The following SRRM4 variants were observed in gnomAD, a reference collection of about 807,000 sequenced individuals.
SRRM4 encodes the protein serine/arginine repetitive matrix protein 4.
Under a neutral mutation model 68.9 loss-of-function variants are expected in SRRM4, and 33 were observed. The observed-to-expected ratio is 0.48, with a 90% CI of 0.36 to 0.64. The LOEUF (loss-of-function observed/expected upper bound fraction) is 0.64. Ranked by LOEUF, SRRM4 falls within the 30% of genes least tolerant of loss-of-function variation. The pLI is 0.00. For missense variants in SRRM4, 817 were observed against 827.1 expected, an observed-to-expected ratio of 0.99 and a Z score of 0.15; for synonymous variants, 318 against 318.8, an observed-to-expected ratio of 1.00 and a Z score of 0.03.
At chr12:119,120,301 C>G (rs1485351728) in intron 5 of SRRM4, 25 bp downstream of exon 5, 5 of 1,550,304 alleles carry the variant, frequency 3.2e-6, no homozygotes, top group Non-Finnish European at 4.4e-6. Context: ...CTCTGACTGC[C>G]TGTTCAATTT....
At chr12:119,143,918 C>G (rs879785054) in intron 8 of SRRM4, among the ~76,000 whole-genome samples, 12 of 152,134 alleles carry the variant, frequency 7.9e-5, no homozygotes, top group Admixed American at 2.6e-4. Flanking sequence ...AGGCCCAGGG[C>G]AGGGGTCCCT....
At chr12:118,998,515 T>C (rs1953363939) in intron 1 of SRRM4, among the ~76,000 whole-genome samples, 1 of 152,188 alleles carries the variant, frequency 6.6e-6, no homozygotes, top group Non-Finnish European at 1.5e-5. Context: ...TTTGGAAGAA[T>C]CAGATCAAGT....
At chr12:119,021,690 T>C (rs1953516777) in intron 1 of SRRM4, among the ~76,000 whole-genome samples, 1 of 152,206 alleles carries the variant, frequency 6.6e-6, no homozygotes, top group South Asian at 2.1e-4. Context: ...GCGACTTCAT[T>C]GAAAGAGAAG....
intron 1 of SRRM4, among the ~76,000 whole-genome samples, chr12:119,049,366 T>A (rs139556305): frequency 2.6e-5 from 4 of 152,088 alleles, no homozygotes; most frequent in Non-Finnish European, 5.9e-5. Flanking sequence ...TTGGAGCAAT[T>A]TGAGAGAAGA....
At chr12:119,050,420 A>G (rs892269958) in intron 1 of SRRM4, among the ~76,000 whole-genome samples, 2 of 152,244 alleles carry the variant, frequency 1.3e-5, no homozygotes, top group Non-Finnish European at 2.9e-5. Flanking sequence ...GATTTTGCTC[A>G]GCATAGCTAA....
intron 1 of SRRM4, among the ~76,000 whole-genome samples, chr12:119,027,049 C>T (rs994366905): frequency 6.6e-6 from 1 of 152,140 alleles, no homozygotes; most frequent in African/African-American, 2.4e-5. Context: ...CTTTATTCCT[C>T]TGGACGCTGA....
intron 4 of SRRM4, among the ~76,000 whole-genome samples, chr12:119,117,357 C>T (rs1954187682): frequency 6.6e-6 from 1 of 152,176 alleles, no homozygotes; most frequent in Admixed American, 6.5e-5. Flanking sequence ...CATGGCTGCA[C>T]CCTGCCCCAT....
chr12:119,055,239 T>C (rs573072564), intron 1 of SRRM4, among the ~76,000 whole-genome samples: 1 of 152,320 alleles, frequency 6.6e-6, no homozygotes, highest in Admixed American at 6.5e-5. Flanking sequence ...TCTCTCCTAC[T>C]GGTTTGTTCT....
chr12:118,987,711 G>T (rs980246128), intron 1 of SRRM4, among the ~76,000 whole-genome samples: 1 of 152,336 alleles, frequency 6.6e-6, no homozygotes, highest in African/African-American at 2.4e-5. Flanking sequence ...TTGGCACCCA[G>T]TCAGAGCTCC....
intron 1 of SRRM4, among the ~76,000 whole-genome samples, chr12:119,075,760 GGTGATGATGGTGGTGATGATGA>G (rs1953907749): frequency 1.5e-5 from 2 of 135,036 alleles, no homozygotes; most frequent in South Asian, 5.1e-4. Context: ...TAATGATGAT[GGTGATGATGGTGGTGATGATGA>G]TAGCGATGAT....
chr12:119,153,847 C>A (rs1051219967), intron 11 of SRRM4, among the ~76,000 whole-genome samples, 198 bp downstream of exon 11: 9 of 152,102 alleles, frequency 5.9e-5, no homozygotes, highest in Non-Finnish European at 8.8e-5. Flanking sequence ...ATGTCTCCAG[C>A]CCAAACAGTC....
chr12:119,035,483 C>T (rs538128753), intron 1 of SRRM4, among the ~76,000 whole-genome samples: 1 of 152,286 alleles, frequency 6.6e-6, no homozygotes, highest in East Asian at 1.9e-4. Flanking sequence ...GTACTGTTGC[C>T]TCTCCTTCCC....
At chr12:119,025,588 G>T (rs1030656382) in intron 1 of SRRM4, among the ~76,000 whole-genome samples, 2 of 152,190 alleles carry the variant, frequency 1.3e-5, no homozygotes, top group African/African-American at 2.4e-5. Flanking sequence ...GGGATTACAG[G>T]CATGTGCCAC....
intron 10 of SRRM4, among the ~76,000 whole-genome samples, chr12:119,151,857 A>T (rs376492097): frequency 5.3e-5 from 8 of 152,330 alleles, no homozygotes; most frequent in Admixed American, 2.6e-4. Flanking sequence ...CTAGGCTTGG[A>T]AGTAATTAGC....
chr12:118,992,742 G>A (rs563617543), intron 1 of SRRM4, among the ~76,000 whole-genome samples: 3 of 152,264 alleles, frequency 2.0e-5, no homozygotes, highest in East Asian at 1.9e-4. Flanking sequence ...GCAGCCAGGG[G>A]GACCTTCAGA....
chr12:119,137,247 G>T (rs749352476), intron 8 of SRRM4, among the ~76,000 whole-genome samples: 35 of 152,042 alleles, frequency 2.3e-4, no homozygotes, highest in Non-Finnish European at 4.7e-4. Flanking sequence ...GCCATTTGAA[G>T]CTCAGTAAAT....
rs1953319198 is a variant in SRRM4, at chr12:118,991,911, AGTATTAGATAGAGCT to A, written c.131+9899_131+9913del. 7 of 152,358 alleles carry A rather than the reference AGTATTAGATAGAGCT, an allele frequency of 4.6e-5. No individual in the cohort carries two copies. The South Asian group carries it at 1.4e-3, about 32-fold the overall frequency. The allele number at this position is 152,358 out of a possible 1,614,324, so 9.4% of individuals were successfully genotyped here. A position where few individuals can be genotyped will look rare whatever the true frequency, so the allele number is the denominator to read the frequency against. On this transcript the variant is annotated intron_variant, in intron 1 of 12. Coordinates refer to ENST00000267260, the MANE Select transcript of SRRM4 (RefSeq NM_194286.4). ...AAAACTCAGAGATCTACAGAGGTGT[AGTATTAGATAGAGCT>A]AACAGGACCTTAGGGATCACCCGAT...
intron 1 of SRRM4, among the ~76,000 whole-genome samples, chr12:118,992,637 A>G (rs936003399): frequency 6.6e-6 from 1 of 152,186 alleles, no homozygotes; most frequent in African/African-American, 2.4e-5. Flanking sequence ...TGCAGGAACG[A>G]GAGGCCATCA....
chr12:118,985,915 A>G (rs1953279300), intron 1 of SRRM4, among the ~76,000 whole-genome samples: 2 of 152,196 alleles, frequency 1.3e-5, no homozygotes, highest in Non-Finnish European at 2.9e-5. Flanking sequence ...AGTGTTAGTA[A>G]AGGGCTAGAA....
Sources: allele counts gnomAD v4.1 joint callset (sites outside exome capture counted in the v4.1 genomes callset), GRCh38; gene constraint gnomAD v4.1.1; transcripts MANE v1.5; gene names NCBI Gene and HGNC (gene_info 2026-07-23, HGNC 2026-07-21).